The following LRP10 variants were observed in gnomAD, a reference collection of about 807,000 sequenced individuals.
LRP10 encodes the protein low-density lipoprotein receptor-related protein 10.
In LRP10, 42 loss-of-function variants were observed where a neutral mutation model predicts 58.5. The ratio of observed to expected loss-of-function variants is 0.72; its 90% confidence interval spans 0.56 to 0.93. The LOEUF is 0.93. LRP10 is among the 40% of genes least tolerant of loss of function. The pLI is 0.00. For synonymous variants in LRP10, 377 were observed against 388.5 expected (o/e 0.97, Z 0.35); for missense variants, 872 against 940.1 (o/e 0.93, Z 0.95).
Position 22,875,825 on chromosome 14 carries a change from A to G in LRP10, c.877A>G (p.Ser293Gly), listed in dbSNP as rs756856198. ...AVVSYHTVAW[S>G]NGRGFNATYH... Reference sequence around the variant, plus strand: ...TGTGTCCTACCACACAGTTGCTTGGAGCAATGGTCGTGGCTTCAATGCCAC... The same window carrying G: ...TGTGTCCTACCACACAGTTGCTTGGGGCAATGGTCGTGGCTTCAATGCCAC... The change falls in exon 5 of 7, where the codon AGC (serine) becomes GGC (glycine). Residue 293 changes from serine (S) to glycine (G), a missense_variant. Transcript: ENST00000359591. 2 of 1,614,000 alleles carry G rather than the reference A, an allele frequency of 1.2e-6. No individual in the cohort carries two copies. Among genetic ancestry groups the G allele is most frequent in the African/African-American group, 2.7e-5 (2 of 74,932 alleles).
intron 1 of LRP10, 52 bp from the exon 2 acceptor site, chr14:22,872,685 GA>G: frequency 6.3e-7 from 1 of 1,590,126 alleles, no homozygotes; most frequent in Non-Finnish European, 8.6e-7. Context: ...AGGTGAAGAA[GA>G]AAACTCCTAA....
intron 1 of LRP10, 125 bp downstream of exon 1, chr14:22,872,462 A>T: frequency 1.2e-6 from 1 of 854,318 alleles, no homozygotes; most frequent in Non-Finnish European, 1.7e-6. Context: ...CGCCAGCCCC[A>T]GCACTGCCGG....
Position 22,877,154 on chromosome 14 carries a change from A to G in LRP10, c.1769A>G (p.Glu590Gly), listed in dbSNP as rs1336126039. Residue 590 changes from glutamate to glycine, a missense_variant, in exon 7 of 7, where the codon GAG becomes GGG. Glu to Gly is a moderately conservative substitution (Grantham distance 98, BLOSUM62 -2). Transcript: ENST00000359591. This position sits in a 1 kb window ranked among gnomAD's most constrained non-coding sequence, Gnocchi z 5.1. ...GTCACACCTTCTGCTGCTCCCCTTG[A>G]GGCCCTAGATGGTGGCACAGGTCCA... is the stretch of plus-strand genomic sequence containing the variant. ...SQVTPSAAPL[E>G]ALDGGTGPAR... is the part of the protein sequence containing the mutation. 2.5e-6 allele frequency: 4 copies of G among 1,607,142 alleles called. No homozygotes were observed. Among genetic ancestry groups the G allele is most frequent in the Non-Finnish European group, 3.4e-6 (4 of 1,176,600 alleles).
intron 2 of LRP10, 75 bp downstream of exon 2, chr14:22,872,857 G>C: frequency 6.8e-7 from 1 of 1,469,548 alleles, no homozygotes; most frequent in Admixed American, 1.7e-5. Context: ...TCTGTTCCCT[G>C]AATTCCATGG....
In LRP10 at chr14:22,877,241, A is replaced by G; in HGVS notation, c.1856A>G (p.Lys619Arg). 1 of 1,606,874 alleles carries G rather than the reference A, an allele frequency of 6.2e-7. No homozygotes were observed. Among genetic ancestry groups the G allele is most frequent in the Non-Finnish European group, 8.5e-7 (1 of 1,176,406 alleles). Residue 619 changes from lysine to arginine, a missense_variant, in exon 7 of 7, where the codon AAG becomes AGG. Transcript: ENST00000359591. This position sits in a 1 kb window ranked among gnomAD's most constrained non-coding sequence, Gnocchi z 5.1. ...GAGCAGGCACCCCCACTGCCCATCA[A>G]GGCTCCCCTCCCATCTGCTAGCACG... is the stretch of plus-strand genomic sequence containing the variant. ...DGEQAPPLPI[K>R]APLPSASTSP...
intron 3 of LRP10, among the ~76,000 whole-genome samples, chr14:22,874,580 C>T (rs2039983564): frequency 1.3e-5 from 2 of 152,166 alleles, no homozygotes. Context: ...TCCCCATTGA[C>T]TACATTGACT....
rs917006390 is a variant in LRP10, at chr14:22,881,028, G to A, written c.*3501G>A. 6.6e-6 allele frequency: 1 copy of A among 152,100 alleles called. No individual in the cohort carries two copies. The highest frequency in any genetic ancestry group is 1.5e-5 in the Non-Finnish European group (1 of 68,038). 9.4% of individuals were successfully genotyped at this position (152,100 alleles called of 1,614,324 possible). The stretch of plus-strand genomic sequence containing the variant: ...ATCTCAAAAAAAAAAGTGAGTGCCC[G>A]ATGATGCCAGATTCTTCATCACCTG... On this transcript the variant is annotated 3_prime_UTR_variant, in exon 7 of 7. Transcript: ENST00000359591.
rs1394371732 is a variant in LRP10, at chr14:22,875,756, A to G, written c.808A>G (p.Asn270Asp). The change falls in exon 5 of 7, where the codon AAT (asparagine) becomes GAT (aspartate). Residue 270 changes from asparagine to aspartate, a missense_variant. Coordinates refer to ENST00000359591, the MANE Select transcript of LRP10 (RefSeq NM_014045.5). ...RLLRSLTHFS[N>D]GKAVTVETLS... ...ACTGCGTAGTCTCACCCACTTCAGC[A>G]ATGGCAAGGCTGTCACTGTGGAGAC... 6.2e-7 allele frequency: 1 copy of G among 1,614,062 alleles called. No homozygotes were observed. The highest frequency in any genetic ancestry group is 1.3e-5 in the African/African-American group (1 of 75,066).
chr14:22,872,619 C>CA, intron 1 of LRP10, 119 bp from the exon 2 acceptor site: 3 of 968,664 alleles, frequency 3.1e-6, no homozygotes, highest in Non-Finnish European at 4.8e-6. Context: ...TCCCGCCCCC[C>CA]ACTCCCTCTT....
chr14:22,873,318 G>A lies in LRP10; in HGVS notation c.87G>A (p.Glu29=), dbSNP rs756140613. 4 of 1,611,958 alleles carry A rather than the reference G, an allele frequency of 2.5e-6. No homozygotes were observed. In the Admixed American group the frequency reaches 6.7e-5, roughly 27 times the overall value. ...DRIIFPNHAC[E]DPPAVLLEVQ... The stretch of plus-strand genomic sequence containing the variant: ...CTACCTTCCTCTCTCCAGCTTGTGA[G>A]GACCCCCCAGCAGTGCTCTTAGAAG... The change falls in exon 3 of 7, where the codon GAG becomes GAA. Residue 29 remains glutamate (E), a synonymous_variant. Transcript: ENST00000359591.
chr14:22,875,330 GCC>G, intron 4 of LRP10, 23 bp from the exon 5 acceptor site: 2 of 1,599,658 alleles, frequency 1.3e-6, no homozygotes, highest in Non-Finnish European at 1.7e-6. Flanking sequence ...GTGCTTCACA[GCC>G]CCTCTCCATG....
Position 22,880,555 on chromosome 14 carries a change from C to T in LRP10, c.*3028C>T, listed in dbSNP as rs1566496297. ...TGAAACCCTGTCTCTACCAAAAATA[C>T]TAAAAATTAGCCAGTCTCACAACCT... On this transcript the variant is annotated 3_prime_UTR_variant, in exon 7 of 7. Transcript: ENST00000359591. 6.6e-6 allele frequency: 1 copy of T among 151,184 alleles called. No homozygotes were observed. The highest frequency in any genetic ancestry group is 1.5e-5 in the Non-Finnish European group (1 of 67,898). 9.4% of individuals were successfully genotyped at this position (151,184 alleles called of 1,614,324 possible). A position where few individuals can be genotyped will look rare whatever the true frequency, so the allele number is the denominator to read the frequency against.
chr14:22,876,485 G>C, intron 5 of LRP10, 113 bp downstream of exon 5: 1 of 1,402,520 alleles, frequency 7.1e-7, no homozygotes, highest in Admixed American at 1.9e-5. Context: ...CCCATGATCA[G>C]CTTGTCAGTT....
At chr14:22,872,399 C>T in intron 1 of LRP10, 62 bp downstream of exon 1, 1 of 1,595,542 alleles carries the variant, frequency 6.3e-7, no homozygotes, top group Non-Finnish European at 8.6e-7. Context: ...CTCTAACTCC[C>T]TCCAGTGCGG....
Position 22,877,632 on chromosome 14 carries a change from T to A in LRP10, c.*105T>A. On this transcript the variant is annotated 3_prime_UTR_variant, in exon 7 of 7. Coordinates refer to ENST00000359591, the MANE Select transcript of LRP10 (RefSeq NM_014045.5). This position sits in a 1 kb window ranked among gnomAD's most constrained non-coding sequence, Gnocchi z 5.1. The stretch of plus-strand genomic sequence containing the variant: ...CTCCCCTCCACCACTTCCTTCCCTG[T>A]CCCTGGATTTCAGGGACTTGGTGGG... 1 of 847,798 alleles carries A rather than the reference T, an allele frequency of 1.2e-6. No homozygotes were observed. Among genetic ancestry groups the A allele is most frequent in the Non-Finnish European group, 1.8e-6 (1 of 570,094 alleles). The allele number at this position is 847,798 out of a possible 1,614,324, so 52.5% of individuals were successfully genotyped here.
rs2039969792 is a variant in LRP10, at chr14:22,872,780, A to G, written c.77A>G (p.His26Arg). 3 of 1,614,014 alleles carry G rather than the reference A, an allele frequency of 1.9e-6. No individual in the cohort carries two copies. Among genetic ancestry groups the G allele is most frequent in the South Asian group, 1.1e-5 (1 of 91,086 alleles). The change falls in exon 2 of 7, where the codon CAT becomes CGT. Residue 26 changes from histidine (H) to arginine (R), a missense_variant and splice_region_variant. Physicochemically the swap from His to Arg is conservative, Grantham distance 29. Coordinates refer to ENST00000359591, the MANE Select transcript of LRP10 (RefSeq NM_014045.5). ...AHPDRIIFPNHACEDPPAVLL... is the reference protein window; with the variant it reads ...AHPDRIIFPNRACEDPPAVLL... The stretch of plus-strand genomic sequence containing the variant: ...CCAGACCGGATTATTTTTCCAAATC[A>G]TGGTGAGTTGAGGGAACCTCTGGGG...
At position 22,878,993 on chromosome 14, in the gene LRP10, C is replaced by T. The variant is rs543361697; in HGVS notation, c.*1466C>T. On this transcript the variant is annotated 3_prime_UTR_variant, in exon 7 of 7. Coordinates refer to ENST00000359591, the MANE Select transcript of LRP10 (RefSeq NM_014045.5). ...GGAACAAAACTGAGGAATTCCCTAA[C>T]GGACCCAGTCCCTGGGGAAAGAGGC... 1.9e-5 allele frequency: 6 copies of T among 318,318 alleles called. No homozygotes were observed. The highest frequency in any genetic ancestry group is 2.6e-5 in the Non-Finnish European group (4 of 153,286). 19.7% of individuals were successfully genotyped at this position (318,318 alleles called of 1,614,324 possible). A position where few individuals can be genotyped will look rare whatever the true frequency, so the allele number is the denominator to read the frequency against.
rs1264121198 is a variant in LRP10 at position 22,879,993 on chromosome 14, G to A, written c.*2466G>A. ...TTGGTCTTAGCGGTGTGGGACCCAC[G>A]TTAAGGCTCTTGGTGGGAAGGTGGG... is the stretch of plus-strand genomic sequence containing the variant. On this transcript the variant is annotated 3_prime_UTR_variant, in exon 7 of 7. Transcript: ENST00000359591. 6.6e-6 allele frequency: 1 copy of A among 152,204 alleles called. No individual in the cohort carries two copies. Among genetic ancestry groups the A allele is most frequent in the African/African-American group, 2.4e-5 (1 of 41,442 alleles). 9.4% of individuals were successfully genotyped at this position (152,204 alleles called of 1,614,324 possible). A position where few individuals can be genotyped will look rare whatever the true frequency, so the allele number is the denominator to read the frequency against.
rs368316011 is a variant in LRP10 at position 22,874,475 on chromosome 14, G to A, written c.216-580G>A. Among the ~76,000 whole-genome samples the A allele has an allele frequency of 3.3e-5, 5 of 152,182 alleles. No homozygotes were observed. The South Asian group carries it at 1.0e-3, about 31-fold the overall frequency. ...ATGCAGTGCACCTCTTCTTAACTCA[G>A]TCCCAGAACACAAGTCAATTTTTCC... is the stretch of plus-strand genomic sequence containing the variant. On this transcript the variant is annotated intron_variant, in intron 3 of 6. Transcript: ENST00000359591.
Sources: allele counts gnomAD v4.1 joint callset (sites outside exome capture counted in the v4.1 genomes callset), GRCh38; gene constraint gnomAD v4.1.1; non-coding constraint Gnocchi (gnomAD v3.1); transcripts MANE v1.5; gene names NCBI Gene and HGNC (gene_info 2026-07-23, HGNC 2026-07-21).